Variants in CPA6 observed in about 807,000 individuals in gnomAD.
CPA6 encodes the protein carboxypeptidase A6, also known as carboxypeptidase B.
Under a neutral mutation model 63.3 loss-of-function variants are expected in CPA6, and 58 were observed. The ratio of observed to expected loss-of-function variants is 0.92; its 90% CI spans 0.74 to 1.14. The LOEUF is 1.14. CPA6 is among the 50% of genes most tolerant of loss of function. The pLI is 0.00. For synonymous variants in CPA6, 185 were observed against 179.0 expected, an observed-to-expected ratio of 1.03 and a Z score of -0.27; for missense variants, 565 against 526.6, an observed-to-expected ratio of 1.07 and a Z score of -0.71.
intron 8 of CPA6, among the ~76,000 whole-genome samples, chr8:67,459,775 G>A (rs561081203): frequency 6.6e-6 from 1 of 152,218 alleles, no homozygotes; most frequent in Non-Finnish European, 1.5e-5. Flanking sequence ...TCAGTGTAAT[G>A]CAGTCCAATT....
At chr8:67,487,744 A>C (rs376729880) in intron 6 of CPA6, among the ~76,000 whole-genome samples, 1 of 152,104 alleles carries the variant, frequency 6.6e-6, no homozygotes, top group Non-Finnish European at 1.5e-5. Context: ...TTTAATGATC[A>C]CCATTCTAAC....
chr8:67,575,630 G>A (rs1401747740), intron 2 of CPA6, among the ~76,000 whole-genome samples: 4 of 152,244 alleles, frequency 2.6e-5, no homozygotes, highest in Admixed American at 6.5e-5. Flanking sequence ...GCCAAGGCGA[G>A]AGGATCACCT....
rs16933357 is a variant in CPA6 at position 67,523,644 on chromosome 8, G to A, written c.193-5597C>T. ...TGCAATGAAAAGAAGTCATAATTCC[G>A]CTGAGCACCAATGTCATGGCTCTTG... On this transcript the variant is annotated intron_variant, in intron 2 of 10. Coordinates refer to ENST00000297770, the MANE Select transcript of CPA6 (RefSeq NM_020361.5). 2.4e-3 allele frequency among the ~76,000 whole-genome samples: 365 copies of A among 152,260 alleles called. 1 individual carries two copies. Among genetic ancestry groups the A allele is most frequent in the African/African-American group, 8.1e-3 (335 of 41,552 alleles).
intron 2 of CPA6, among the ~76,000 whole-genome samples, chr8:67,522,671 G>A (rs1292082359): frequency 1.3e-5 from 2 of 152,204 alleles, no homozygotes; most frequent in Admixed American, 6.5e-5. Flanking sequence ...GGACTCCCTG[G>A]GCGAGAGCTC....
At chr8:67,684,703 G>A (rs1174676797) in intron 1 of CPA6, among the ~76,000 whole-genome samples, 1 of 152,160 alleles carries the variant, frequency 6.6e-6, no homozygotes, top group Non-Finnish European at 1.5e-5. Context: ...CTTGGCCAAA[G>A]TTTAGTCAGG....
intron 1 of CPA6, among the ~76,000 whole-genome samples, chr8:67,661,125 GGGA>G (rs1816098212): frequency 6.6e-6 from 1 of 152,176 alleles, no homozygotes; most frequent in African/African-American, 2.4e-5. Context: ...AACAAAGCAG[GGGA>G]GGAGAACACA....
chr8:67,479,883 C>T (rs1368585740), intron 8 of CPA6, among the ~76,000 whole-genome samples: 1 of 151,984 alleles, frequency 6.6e-6, no homozygotes, highest in Admixed American at 6.6e-5. Flanking sequence ...TAGGGATTGG[C>T]TGAAAACCCC....
chr8:67,527,562 C>G (rs4737840), intron 2 of CPA6, among the ~76,000 whole-genome samples: 42,951 of 152,092 alleles, frequency 0.28, 6,181 homozygotes, highest in South Asian at 0.4. Context: ...ACTCCTTAAA[C>G]TCTATAATCA....
At position 67,733,042 on chromosome 8, in the gene CPA6, A is replaced by G. The variant is rs1181672960; in HGVS notation, c.116+12972T>C. Reference sequence around the variant, plus strand: ...AAACCCCGTCTCTACTAAAAATACAAAAAATTAGCCAGGTGTGGTGGCGGG... The same window carrying G: ...AAACCCCGTCTCTACTAAAAATACAGAAAATTAGCCAGGTGTGGTGGCGGG... On this transcript the variant is annotated intron_variant, in intron 1 of 10. Transcript: ENST00000297770. Among the ~76,000 whole-genome samples the G allele has an allele frequency of 4.6e-5, 7 of 151,768 alleles. No homozygotes were observed. In the East Asian group the frequency reaches 7.8e-4, roughly 17 times the overall value.
rs143598381 is a variant in CPA6, at chr8:67,659,328, T to C, written c.117-35077A>G. On this transcript the variant is annotated intron_variant, in intron 1 of 10. Coordinates refer to ENST00000297770, the MANE Select transcript of CPA6 (RefSeq NM_020361.5). ...AACCATGGCTTCCAGTCATCATGCA[T>C]ACTACAGAAATTGCTAATTAAGAGA... 2.5e-4 allele frequency among the ~76,000 whole-genome samples: 38 copies of C among 152,362 alleles called. No homozygotes were observed. In the East Asian group the frequency reaches 6.9e-3, roughly 28 times the overall value.
At chr8:67,531,520 G>T (rs577779254) in intron 2 of CPA6, among the ~76,000 whole-genome samples, 35 of 152,032 alleles carry the variant, frequency 2.3e-4, no homozygotes, top group African/African-American at 8.0e-4. Flanking sequence ...AGTATATATC[G>T]CTATATACAG....
chr8:67,608,114 G>C (rs1389867785), intron 2 of CPA6, among the ~76,000 whole-genome samples: 1 of 152,192 alleles, frequency 6.6e-6, no homozygotes, highest in African/African-American at 2.4e-5. Context: ...TAAAGTTTCA[G>C]CTGAGAAAAA....
chr8:67,624,158 G>A lies in CPA6; in HGVS notation c.192+18C>T. On this transcript the variant is annotated intron_variant, in intron 2 of 10. Transcript: ENST00000297770. ...CCACAAGCACAATTCTACCATAAGT[G>A]TGTAGATGTTCTATTACCTTAAGTT... 1 of 1,399,480 alleles carries A rather than the reference G, an allele frequency of 7.1e-7. No individual in the cohort carries two copies. The highest frequency in any genetic ancestry group is 1.2e-5 in the South Asian group (1 of 84,524). The allele number at this position is 1,399,480 out of a possible 1,614,324, so 86.7% of individuals were successfully genotyped here. A position where few individuals can be genotyped will look rare whatever the true frequency, so the allele number is the denominator to read the frequency against.
chr8:67,447,880 G>A (rs1166673114), intron 8 of CPA6, among the ~76,000 whole-genome samples: 2 of 152,130 alleles, frequency 1.3e-5, no homozygotes, highest in Non-Finnish European at 2.9e-5. Context: ...TACCTCCCAG[G>A]TTCAAGCAAT....
intron 1 of CPA6, among the ~76,000 whole-genome samples, chr8:67,672,932 T>G (rs1289229871): frequency 2.0e-5 from 3 of 152,082 alleles, no homozygotes; most frequent in African/African-American, 7.3e-5. Context: ...CAGTTTTTTA[T>G]GTAGCCAAGT....
At chr8:67,629,858 G>A (rs1250760033) in intron 1 of CPA6, among the ~76,000 whole-genome samples, 1 of 152,092 alleles carries the variant, frequency 6.6e-6, no homozygotes, top group Non-Finnish European at 1.5e-5. Context: ...TGTAATCCCA[G>A]TACTTTGGGA....
intron 1 of CPA6, among the ~76,000 whole-genome samples, chr8:67,633,890 C>G (rs1358418466): frequency 1.8e-5 from 2 of 111,288 alleles, no homozygotes; most frequent in Admixed American, 9.5e-5. Flanking sequence ...CCTTCTCCCC[C>G]CAAATGTTTT....
chr8:67,649,637 T>G (rs574539502), intron 1 of CPA6, among the ~76,000 whole-genome samples: 79 of 152,324 alleles, frequency 5.2e-4, no homozygotes, highest in African/African-American at 1.7e-3. Context: ...AGGTTGAATT[T>G]TTTTAAGGGT....
chr8:67,541,470 T>G (rs1303168316), intron 2 of CPA6, among the ~76,000 whole-genome samples: 1 of 152,120 alleles, frequency 6.6e-6, no homozygotes, highest in Admixed American at 6.5e-5. Context: ...ATCCCTGTCC[T>G]GTTCTGTTCC....
Sources: gnomAD v4.1 joint callset for allele counts (sites outside exome capture counted in the v4.1 genomes callset) on GRCh38, gnomAD v4.1.1 for gene constraint, MANE v1.5 for transcripts, NCBI Gene and HGNC (gene_info 2026-07-23, HGNC 2026-07-21) for gene names.